Variants in PPP4R1 observed in about 807,000 individuals in gnomAD.
PPP4R1 encodes serine/threonine-protein phosphatase 4 regulatory subunit 1.
PPP4R1 carries 42 observed loss-of-function variants against 111.2 expected under a neutral mutation model. The observed-to-expected ratio is 0.38, with a 90% CI of 0.29 to 0.49. The LOEUF (loss-of-function observed/expected upper bound fraction) is 0.49. Ranked by LOEUF, PPP4R1 falls within the 20% of genes least tolerant of loss-of-function variation. The pLI, the probability that PPP4R1 is intolerant of heterozygous loss-of-function variation, is 0.97. For synonymous variants in PPP4R1, 409 were observed against 405.5 expected, an observed-to-expected ratio of 1.01 and a Z score of -0.10; for missense variants, 1,012 against 1,161.6, an observed-to-expected ratio of 0.87 and a Z score of 1.87.
Position 9,577,060 on chromosome 18 carries a change from A to G in PPP4R1, c.1046+4T>C. On this transcript the variant is annotated splice_donor_region_variant and intron_variant, in intron 10 of 19. Transcript: ENST00000400556. ...AAAATTAGAAAATGGTTTCAAAATT[A>G]TACCTATTTTTGTTTTCTACTGACA... 6.5e-7 allele frequency: 1 copy of G among 1,534,276 alleles called. No homozygotes were observed. Among genetic ancestry groups the G allele is most frequent in the Middle Eastern group, 1.7e-4 (1 of 5,808 alleles).
intron 6 of PPP4R1, among the ~76,000 whole-genome samples, chr18:9,586,349 G>A (rs111349871): frequency 2.6e-5 from 4 of 151,828 alleles, no homozygotes; most frequent in African/African-American, 9.7e-5. Context: ...CAAGTTAAAC[G>A]GCTCAATATA....
intron 2 of PPP4R1, among the ~76,000 whole-genome samples, chr18:9,613,295 T>C (rs777387685): frequency 3.3e-5 from 5 of 152,376 alleles, no homozygotes; most frequent in Middle Eastern, 3.4e-3. Flanking sequence ...TTTGGAAGAT[T>C]AGCAAGAATA....
chr18:9,562,175 A>G, intron 12 of PPP4R1, 100 bp from the exon 13 acceptor site: 1 of 801,002 alleles, frequency 1.2e-6, no homozygotes, highest in East Asian at 2.7e-5. Context: ...GCCAAAAGTA[A>G]TAAACATATA....
intron 9 of PPP4R1, among the ~76,000 whole-genome samples, chr18:9,577,583 C>T (rs960649617): frequency 6.6e-6 from 1 of 152,098 alleles, no homozygotes; most frequent in Non-Finnish European, 1.5e-5. Context: ...GGAAGAAGCG[C>T]GTGAACCCAT....
At chr18:9,564,412 G>T (rs574884333) in intron 11 of PPP4R1, among the ~76,000 whole-genome samples, 113 of 152,216 alleles carry the variant, frequency 7.4e-4, no homozygotes, top group Non-Finnish European at 1.4e-3. Context: ...TCTCATCTAA[G>T]TATATTAAGT....
At chr18:9,596,621 G>C (rs1443196787) in intron 2 of PPP4R1, among the ~76,000 whole-genome samples, 1 of 128,308 alleles carries the variant, frequency 7.8e-6, no homozygotes, top group Admixed American at 7.9e-5. Flanking sequence ...TAGCTCTTAA[G>C]AGAGAAAAAG....
chr18:9,597,537 A>G (rs895794638), intron 2 of PPP4R1, among the ~76,000 whole-genome samples: 1 of 152,244 alleles, frequency 6.6e-6, no homozygotes, highest in African/African-American at 2.4e-5. Context: ...GAAACGATCA[A>G]GTGAACGAAT....
intron 2 of PPP4R1, chr18:9,599,804 T>G (rs141892663): frequency 6.6e-6 from 1 of 152,146 alleles, no homozygotes; most frequent in African/African-American, 2.4e-5. Flanking sequence ...TTGTTAATCT[T>G]AAAGATAAAC....
At chr18:9,572,192 T>A (rs1030781907) in intron 10 of PPP4R1, among the ~76,000 whole-genome samples, 1 of 151,870 alleles carries the variant, frequency 6.6e-6, no homozygotes, top group Non-Finnish European at 1.5e-5. Context: ...GAGAAAGAGG[T>A]AAAGACTGAG....
Position 9,595,189 on chromosome 18 carries a change from T to C in PPP4R1, c.53-36A>G, listed in dbSNP as rs200508127. 8.1e-6 allele frequency: 13 copies of C among 1,600,672 alleles called. No individual in the cohort carries two copies. The African/African-American group carries it at 9.4e-5, about 12-fold the overall frequency. On this transcript the variant is annotated intron_variant, in intron 2 of 19. Transcript: ENST00000400556. ...CATCAGAAATACTCCTTATAACACTTTGAAACTAAAATGTACCCCTTGCCT... is the reference window on the plus strand; with the variant it reads ...CATCAGAAATACTCCTTATAACACTCTGAAACTAAAATGTACCCCTTGCCT...
chr18:9,570,196 C>T lies in PPP4R1; in HGVS notation c.1534G>A (p.Glu512Lys), dbSNP rs2066837194. The T allele has an allele frequency of 3.9e-6, 6 of 1,543,796 alleles. No individual in the cohort carries two copies. Among genetic ancestry groups the T allele is most frequent in the Non-Finnish European group, 5.2e-6 (6 of 1,147,870 alleles). The change falls in exon 11 of 20, where the codon GAA (glutamate) becomes AAA (lysine). Residue 512 changes from glutamate to lysine, a missense_variant. This residue lies in a region of PPP4R1 where 707 missense variants were observed against 742.1 expected (regional missense o/e 0.95). Coordinates refer to ENST00000400556, the MANE Select transcript of PPP4R1 (RefSeq NM_001042388.3). ...ATRKELEEMIENLEPHIDDPD... is the reference protein window; with the variant it reads ...ATRKELEEMIKNLEPHIDDPD... ...TCATCAATGTGGGGCTCTAGATTTT[C>T]TATCATTTCTTCCAGTTCCTTTCTG... is the stretch of plus-strand genomic sequence containing the variant.
At chr18:9,615,654 G>A (rs1175975319), upstream of PPP4R1, among the ~76,000 whole-genome samples, 1 of 152,142 alleles carries the variant, frequency 6.6e-6, no homozygotes, top group South Asian at 2.1e-4. Flanking sequence ...TCCACCCAAG[G>A]CCTCCAAAAT....
chr18:9,592,338 C>T (rs2067224837), intron 4 of PPP4R1, among the ~76,000 whole-genome samples: 1 of 152,190 alleles, frequency 6.6e-6, no homozygotes, highest in Non-Finnish European at 1.5e-5. Flanking sequence ...CCATCTTGAA[C>T]TCCTTTCTCT....
intron 12 of PPP4R1, among the ~76,000 whole-genome samples, chr18:9,562,764 C>G (rs538787551): frequency 6.6e-6 from 1 of 152,322 alleles, no homozygotes; most frequent in South Asian, 2.1e-4. Context: ...TTCTGGCAAT[C>G]GGTGGTGCAT....
At chr18:9,595,410 A>G (rs1255672383) in intron 2 of PPP4R1, among the ~76,000 whole-genome samples, 1 of 152,222 alleles carries the variant, frequency 6.6e-6, no homozygotes, top group Non-Finnish European at 1.5e-5. Flanking sequence ...ACAGAAACTC[A>G]GTATGCAGGA....
intron 2 of PPP4R1, 124 bp from the exon 3 acceptor site, chr18:9,595,277 G>A: frequency 3.0e-6 from 3 of 1,013,382 alleles, no homozygotes; most frequent in Non-Finnish European, 4.2e-6. Context: ...GAGACTCTCA[G>A]AATCAATCCA....
intron 4 of PPP4R1, chr18:9,590,141 A>G (rs1434450949): frequency 6.6e-6 from 1 of 152,226 alleles, no homozygotes; most frequent in Non-Finnish European, 1.5e-5. Flanking sequence ...GGACCTAACT[A>G]GAACTCTGAT....
In PPP4R1 at chr18:9,570,637, C is replaced by T. The variant is rs1230693257; in HGVS notation, c.1093G>A (p.Asp365Asn). ...CTAACACTGAGATCTGAAGGAGTATCCTCTGGCCTGACTTGTACATCCTCT... is the reference window on the plus strand; with the variant it reads ...CTAACACTGAGATCTGAAGGAGTATTCTCTGGCCTGACTTGTACATCCTCT... ...APEDVQVRPEDTPSDLSVSNS... is the reference protein window; with the variant it reads ...APEDVQVRPENTPSDLSVSNS... Residue 365 changes from aspartate (D) to asparagine (N), a missense_variant, in exon 11 of 20, where the codon GAT (aspartate) becomes AAT (asparagine). By Grantham distance (23) the Asp-to-Asn change is conservative. Transcript: ENST00000400556. 12 of 1,609,858 alleles carry T rather than the reference C, an allele frequency of 7.5e-6. No homozygotes were observed. The highest frequency in any genetic ancestry group is 2.7e-5 in the African/African-American group (2 of 74,770).
chr18:9,556,980 C>T (rs565928190), intron 15 of PPP4R1: 228 of 319,078 alleles, frequency 7.1e-4, no homozygotes, highest in African/African-American at 4.7e-3. Context: ...ATACATTTCA[C>T]TCAATAATTT....
Sources: gnomAD v4.1 joint callset for allele counts (sites outside exome capture counted in the v4.1 genomes callset) on GRCh38, gnomAD v4.1.1 for gene constraint, gnomAD v4.1.1 regional missense constraint, MANE v1.5 for transcripts, NCBI Gene and HGNC (gene_info 2026-07-23, HGNC 2026-07-21) for gene names.